The following CMIP variants were observed in gnomAD, a reference collection of about 807,000 sequenced individuals.
CMIP encodes the protein c-Maf inducing protein, also known as C-Maf-inducing protein.
CMIP carries 13 observed loss-of-function variants against 97.3 expected under a neutral mutation model. The observed-to-expected ratio is 0.13, with a 90% CI of 0.09 to 0.21. The LOEUF (loss-of-function observed/expected upper bound fraction) is 0.21. Among genes scored for constraint, CMIP ranks in the 10% least tolerant of loss-of-function variants. The pLI is 1.00. For missense variants in CMIP, 847 were observed against 1,024.9 expected (o/e 0.83, Z 2.37); for synonymous variants, 538 against 436.3 (o/e 1.23, Z -2.91).
intron 1 of CMIP, among the ~76,000 whole-genome samples, chr16:81,591,133 T>G (rs1259529049): frequency 2.6e-5 from 4 of 152,228 alleles, no homozygotes; most frequent in African/African-American, 9.6e-5. Flanking sequence ...GCTTCATTAA[T>G]AACTAGCAGC....
intron 10 of CMIP, among the ~76,000 whole-genome samples, chr16:81,687,380 G>A (rs1002215524): frequency 1.3e-5 from 2 of 152,196 alleles, no homozygotes; most frequent in African/African-American, 2.4e-5. Flanking sequence ...TATGTGTCAC[G>A]GTTTTAAGCT....
At chr16:81,671,831 C>A (rs1353613472) in intron 8 of CMIP, 135 bp from the exon 9 acceptor site, 5 of 568,034 alleles carry the variant, frequency 8.8e-6, no homozygotes, top group African/African-American at 3.8e-5. Flanking sequence ...ACAGTGAAGG[C>A]TCTCAGAGCC....
rs2091693233 is a variant in CMIP at position 81,603,570 on chromosome 16, TATTAGGTTTC to T, written c.301-3996_301-3987del. 5.8e-5 allele frequency: 24 copies of T among 415,148 alleles called. 1 individual carries two copies. The highest frequency in any genetic ancestry group is 3.9e-4 in the South Asian group (23 of 59,064). 25.7% of individuals were successfully genotyped at this position (415,148 alleles called of 1,614,324 possible). A position where few individuals can be genotyped will look rare whatever the true frequency, so the allele number is the denominator to read the frequency against. On this transcript the variant is annotated intron_variant, in intron 1 of 20. Transcript: ENST00000537098. ...TACATGATTGCCGAAGTCCACATTT[TATTAGGTTTC>T]TTTAGGTTTTCCGTGATGTCCTTTT...
chr16:81,705,159 C>T (rs893485579), intron 18 of CMIP, among the ~76,000 whole-genome samples: 1 of 152,214 alleles, frequency 6.6e-6, no homozygotes, highest in African/African-American at 2.4e-5. Context: ...CGGCCCAGCC[C>T]TGTCCTTCCA....
intron 1 of CMIP, among the ~76,000 whole-genome samples, chr16:81,448,045 A>G (rs1303247857): frequency 6.6e-6 from 1 of 152,274 alleles, no homozygotes; most frequent in African/African-American, 2.4e-5. Context: ...CAAATAAAAC[A>G]AAGGTGAATT....
chr16:81,474,537 G>C (rs1022529083), intron 1 of CMIP, among the ~76,000 whole-genome samples: 1 of 152,208 alleles, frequency 6.6e-6, no homozygotes, highest in Non-Finnish European at 1.5e-5. Flanking sequence ...GGGAGGTGCT[G>C]CGTGAGGATC....
chr16:81,474,284 C>G (rs931936459), intron 1 of CMIP, among the ~76,000 whole-genome samples: 3 of 152,038 alleles, frequency 2.0e-5, no homozygotes, highest in Non-Finnish European at 4.4e-5. Flanking sequence ...CTGTCACTGA[C>G]TTACCCTCCC....
intron 5 of CMIP, among the ~76,000 whole-genome samples, chr16:81,659,579 C>G (rs894791370): frequency 6.6e-6 from 1 of 152,176 alleles, no homozygotes; most frequent in African/African-American, 2.4e-5. Context: ...GAACCAGGAG[C>G]AAGCATGAGA....
intron 1 of CMIP, among the ~76,000 whole-genome samples, chr16:81,486,462 G>T (rs2089315484): frequency 6.6e-6 from 1 of 152,176 alleles, no homozygotes; most frequent in South Asian, 2.1e-4. Context: ...GAGACGCAGT[G>T]GCAACTAGGA....
At position 81,627,835 on chromosome 16, in the gene CMIP, T is replaced by C. The variant is rs1382197549; in HGVS notation, c.477+6909T>C. Among the ~76,000 whole-genome samples, 1 of 152,118 alleles carries C rather than the reference T, an allele frequency of 6.6e-6. No homozygotes were observed. The highest frequency in any genetic ancestry group is 1.5e-5 in the Non-Finnish European group (1 of 67,994). On this transcript the variant is annotated intron_variant, in intron 3 of 20. Transcript: ENST00000537098. This position sits in a 1 kb window ranked among gnomAD's most constrained non-coding sequence, Gnocchi z 4.6. ...GCGCCTCGGGAATGAGTCTGTTCCATGTTCTGTGTTGGGAGCTGGCGCTGG... is the reference window on the plus strand; with the variant it reads ...GCGCCTCGGGAATGAGTCTGTTCCACGTTCTGTGTTGGGAGCTGGCGCTGG...
chr16:81,481,729 T>G (rs965546990), intron 1 of CMIP, among the ~76,000 whole-genome samples: 2 of 152,096 alleles, frequency 1.3e-5, no homozygotes, highest in African/African-American at 2.4e-5. Flanking sequence ...GGGCTAAAGT[T>G]GAGGTGTTGT....
At chr16:81,527,013 C>T (rs1377911147) in intron 1 of CMIP, among the ~76,000 whole-genome samples, 1 of 152,184 alleles carries the variant, frequency 6.6e-6, no homozygotes, top group Non-Finnish European at 1.5e-5. Flanking sequence ...CAGTTTGGGG[C>T]CTGGTTTCTG....
intron 20 of CMIP, 35 bp downstream of exon 20, chr16:81,707,119 C>G (rs775935817): frequency 6.3e-7 from 1 of 1,579,918 alleles, no homozygotes; most frequent in East Asian, 2.2e-5. Context: ...CTCCTCCCCT[C>G]CTTCTTCTAG....
intron 1 of CMIP, among the ~76,000 whole-genome samples, chr16:81,571,729 C>T (rs1000175356): frequency 3.3e-5 from 5 of 152,048 alleles, no homozygotes; most frequent in African/African-American, 1.2e-4. Context: ...TTAGTGAGCA[C>T]GTCGTGCACC....
chr16:81,568,625 T>G (rs2091027392), intron 1 of CMIP, among the ~76,000 whole-genome samples: 1 of 152,202 alleles, frequency 6.6e-6, no homozygotes, highest in Non-Finnish European at 1.5e-5. Context: ...CTTTTACATT[T>G]GTTTCTCGCT....
intron 1 of CMIP, among the ~76,000 whole-genome samples, chr16:81,564,588 C>G (rs1597567997): frequency 6.6e-6 from 1 of 152,318 alleles, no homozygotes; most frequent in East Asian, 1.9e-4. Flanking sequence ...AGTTCTCAAG[C>G]TCGAGGCTGC....
chr16:81,660,265 C>A (rs1253795903), intron 5 of CMIP, among the ~76,000 whole-genome samples: 1 of 151,370 alleles, frequency 6.6e-6, no homozygotes, highest in African/African-American at 2.4e-5. Flanking sequence ...GCAAGTATTT[C>A]TTTTTTCTTT....
intron 2 of CMIP, among the ~76,000 whole-genome samples, chr16:81,609,123 C>T (rs907028250): frequency 6.6e-6 from 1 of 152,218 alleles, no homozygotes; most frequent in Non-Finnish European, 1.5e-5. Flanking sequence ...GTGAATCTCT[C>T]ACACTCTGCC....
At chr16:81,473,486 T>C (rs539594919) in intron 1 of CMIP, among the ~76,000 whole-genome samples, 2 of 127,012 alleles carry the variant, frequency 1.6e-5, no homozygotes, top group East Asian at 4.0e-4. Context: ...TTAAAATAGG[T>C]CTTTTTTTTT....
Sources: allele counts gnomAD v4.1 joint callset (sites outside exome capture counted in the v4.1 genomes callset), GRCh38; gene constraint gnomAD v4.1.1; non-coding constraint Gnocchi (gnomAD v3.1); transcripts MANE v1.5; gene names NCBI Gene and HGNC (gene_info 2026-07-23, HGNC 2026-07-21).